ERC2: variants seen among roughly 807,000 people sequenced by gnomAD.
The protein encoded by ERC2 is ELKS/RAB6-interacting/CAST family member 2.
Under a neutral mutation model 114.8 loss-of-function variants are expected in ERC2, and 42 were observed. That is an observed-to-expected ratio of 0.37 (90% CI 0.29 to 0.47). The LOEUF (loss-of-function observed/expected upper bound fraction) is 0.47, where lower values mean the gene tolerates loss of function less well. ERC2 is among the 20% of genes least tolerant of loss of function. ERC2 has a pLI of 0.99. For synonymous variants in ERC2, 454 were observed against 425.5 expected, an observed-to-expected ratio of 1.07 and a Z score of -0.82; for missense variants, 939 against 1,150.7, an observed-to-expected ratio of 0.82 and a Z score of 2.66.
At chr3:56,338,470 A>C (rs2057950646) in intron 2 of ERC2, among the ~76,000 whole-genome samples, 1 of 152,210 alleles carries the variant, frequency 6.6e-6, no homozygotes, top group African/African-American at 2.4e-5. Flanking sequence ...GGAAGGATAC[A>C]GAAGAGGTGA....
intron 3 of ERC2, among the ~76,000 whole-genome samples, chr3:56,278,509 T>C (rs147768832): frequency 1.3e-5 from 2 of 152,290 alleles, no homozygotes; most frequent in Non-Finnish European, 2.9e-5. Context: ...TAAAAGAACA[T>C]TGGTAGAAAA....
intron 14 of ERC2, among the ~76,000 whole-genome samples, chr3:55,847,380 C>T (rs1004003748): frequency 3.3e-5 from 5 of 152,192 alleles, no homozygotes; most frequent in African/African-American, 1.2e-4. Context: ...TAGGAATGGA[C>T]TACCTCATAT....
intron 14 of ERC2, among the ~76,000 whole-genome samples, chr3:55,843,849 A>T (rs1234373295): frequency 6.6e-6 from 1 of 152,246 alleles, no homozygotes; most frequent in Non-Finnish European, 1.5e-5. Flanking sequence ...CTGTTCATAA[A>T]GCTTGGAGCC....
chr3:56,319,315 A>T (rs2057017561), intron 2 of ERC2, among the ~76,000 whole-genome samples: 1 of 152,138 alleles, frequency 6.6e-6, no homozygotes, highest in Admixed American at 6.5e-5. Flanking sequence ...GCCTTAAAAA[A>T]AAAAAAGAAA....
At chr3:56,123,668 T>C (rs2079713641) in intron 6 of ERC2, among the ~76,000 whole-genome samples, 1 of 152,200 alleles carries the variant, frequency 6.6e-6, no homozygotes, top group South Asian at 2.1e-4. Flanking sequence ...ACAGAGGCCA[T>C]TCCTCACACA....
chr3:56,458,146 A>G (rs1241624393), intron 1 of ERC2, among the ~76,000 whole-genome samples: 4 of 152,260 alleles, frequency 2.6e-5, no homozygotes, highest in Non-Finnish European at 5.9e-5. Context: ...CTATTATGAA[A>G]GAACACCAGC....
intron 17 of ERC2, among the ~76,000 whole-genome samples, chr3:55,594,523 C>T (rs987917414): frequency 2.6e-5 from 4 of 151,924 alleles, no homozygotes; most frequent in African/African-American, 7.3e-5. Flanking sequence ...GATCTGTCAC[C>T]CAGGATGGAG....
chr3:55,874,864 T>C (rs551936625), intron 14 of ERC2, among the ~76,000 whole-genome samples: 1 of 152,226 alleles, frequency 6.6e-6, no homozygotes, highest in South Asian at 2.1e-4. Flanking sequence ...GAGCCATGAA[T>C]GGGCACTGCT....
At chr3:56,221,078 AGT>A (rs1351383506) in intron 3 of ERC2, among the ~76,000 whole-genome samples, 1 of 152,188 alleles carries the variant, frequency 6.6e-6, no homozygotes, top group Non-Finnish European at 1.5e-5. Context: ...ACCTGATAGA[AGT>A]CACACACATA....
At chr3:56,307,444 C>T (rs1460063427) in intron 2 of ERC2, among the ~76,000 whole-genome samples, 1 of 152,108 alleles carries the variant, frequency 6.6e-6, no homozygotes. Context: ...GTTACTGAAT[C>T]TCCCCTAAGC....
chr3:56,422,844 A>C (rs2107247867), intron 2 of ERC2, among the ~76,000 whole-genome samples: 1 of 152,320 alleles, frequency 6.6e-6, no homozygotes, highest in Admixed American at 6.5e-5. Context: ...TGTGTCTTGC[A>C]GGGCTGTTGA....
At chr3:56,215,898 G>A (rs1214632220) in intron 3 of ERC2, among the ~76,000 whole-genome samples, 1 of 152,090 alleles carries the variant, frequency 6.6e-6, no homozygotes, top group Non-Finnish European at 1.5e-5. Context: ...TGACTACTCG[G>A]TACATAACGA....
chr3:55,747,505 A>C (rs2066382317), intron 14 of ERC2, among the ~76,000 whole-genome samples: 1 of 152,236 alleles, frequency 6.6e-6, no homozygotes, highest in Non-Finnish European at 1.5e-5. Flanking sequence ...AATGAGTGAG[A>C]TTAGAAATAC....
intron 12 of ERC2, among the ~76,000 whole-genome samples, chr3:55,974,396 C>CATTTCCTATAG (rs2069416066): frequency 6.6e-6 from 1 of 152,220 alleles, no homozygotes; most frequent in Non-Finnish European, 1.5e-5. Flanking sequence ...TCCATCTCCC[C>CATTTCCTATAG]TTCAGAGAGT....
chr3:56,328,597 G>T (rs767771661), intron 2 of ERC2, among the ~76,000 whole-genome samples: 33 of 152,306 alleles, frequency 2.2e-4, no homozygotes, highest in Non-Finnish European at 4.7e-4. Context: ...GGTGAAAGGG[G>T]AAGGTAGCAT....
chr3:55,897,929 G>A (rs1192952313), intron 13 of ERC2, among the ~76,000 whole-genome samples: 6 of 152,162 alleles, frequency 3.9e-5, no homozygotes, highest in African/African-American at 1.4e-4. Flanking sequence ...GCATCAAGGA[G>A]CTTTGCTTAC....
chr3:56,336,485 G>T (rs1055979687), intron 2 of ERC2, among the ~76,000 whole-genome samples: 2 of 152,082 alleles, frequency 1.3e-5, no homozygotes, highest in African/African-American at 4.8e-5. Flanking sequence ...AGATGGACCA[G>T]CTGGCCAGTA....
rs187853509 is a variant in ERC2, at chr3:56,296,106, C to T, written c.987G>A (p.Thr329=). 17 of 1,613,978 alleles carry T rather than the reference C, an allele frequency of 1.1e-5. No homozygotes were observed. The highest frequency in any genetic ancestry group is 8.9e-5 in the East Asian group (4 of 44,882). ...GAGACTCAGCCTCTGCCATCCGCCG[C>T]GTTCGCTCATTGTCATCCTCCAGGC... ...SKSLEDDNER[T]RRMAEAESQV... The change falls in exon 3 of 18, where the codon ACG becomes ACA. Residue 329 remains threonine, a synonymous_variant. Coordinates refer to ENST00000288221, the MANE Select transcript of ERC2 (RefSeq NM_015576.3).
chr3:56,122,017 A>T (rs2079607412), intron 6 of ERC2, among the ~76,000 whole-genome samples: 1 of 152,232 alleles, frequency 6.6e-6, no homozygotes, highest in Non-Finnish European at 1.5e-5. Flanking sequence ...CTTCACCAAG[A>T]CTATTTTGGC....
Sources: allele counts gnomAD v4.1 joint callset (sites outside exome capture counted in the v4.1 genomes callset), GRCh38; gene constraint gnomAD v4.1.1; transcripts MANE v1.5; gene names NCBI Gene and HGNC (gene_info 2026-07-23, HGNC 2026-07-21).